Variants in RASGEF1C observed in about 807,000 individuals in gnomAD.
RASGEF1C encodes RasGEF domain family member 1C.
Under a neutral mutation model 58.1 loss-of-function variants are expected in RASGEF1C, and 27 were observed. The ratio of observed to expected loss-of-function variants is 0.46; its 90% CI spans 0.34 to 0.64. RASGEF1C has a LOEUF of 0.64. RASGEF1C is among the 30% of genes least tolerant of loss of function. The probability of loss-of-function intolerance (pLI) is 0.01; values close to 1 mark genes in which losing one functional copy is unlikely to be tolerated. For missense variants in RASGEF1C, 502 were observed against 605.1 expected, an observed-to-expected ratio of 0.83 and a Z score of 1.79; for synonymous variants, 243 against 246.3, an observed-to-expected ratio of 0.99 and a Z score of 0.13.
At chr5:180,151,459 A>C (rs1766743945) in intron 1 of RASGEF1C, among the ~76,000 whole-genome samples, 1 of 152,356 alleles carries the variant, frequency 6.6e-6, no homozygotes, top group East Asian at 1.9e-4. Context: ...CAAAAACAAG[A>C]AATGGGGAAA....
At chr5:180,189,433 G>C (rs1384129443) in intron 1 of RASGEF1C, among the ~76,000 whole-genome samples, 1 of 152,194 alleles carries the variant, frequency 6.6e-6, no homozygotes, top group East Asian at 1.9e-4. Context: ...TTTTGAAAAA[G>C]TAGAACAAAG....
intron 1 of RASGEF1C, among the ~76,000 whole-genome samples, chr5:180,141,041 A>C (rs937776886): frequency 2.6e-5 from 4 of 152,206 alleles, no homozygotes; most frequent in Non-Finnish European, 5.9e-5. Context: ...CTCCACCTGT[A>C]AGTGACGCTT....
intron 12 of RASGEF1C, among the ~76,000 whole-genome samples, chr5:180,105,526 C>T (rs1326627693): frequency 2.7e-5 from 4 of 150,444 alleles, no homozygotes; most frequent in African/African-American, 9.8e-5. Flanking sequence ...TGCGCCACTG[C>T]ACTCCATCCT....
At chr5:180,201,911 C>A (rs1226174786) in intron 1 of RASGEF1C, among the ~76,000 whole-genome samples, 1 of 152,218 alleles carries the variant, frequency 6.6e-6, no homozygotes, top group Non-Finnish European at 1.5e-5. Context: ...TACCTCCAGC[C>A]TCCAGAACTG....
intron 1 of RASGEF1C, among the ~76,000 whole-genome samples, chr5:180,191,483 A>C (rs1017205891): frequency 1.3e-5 from 2 of 152,118 alleles, no homozygotes; most frequent in Admixed American, 6.5e-5. Context: ...CAGCCTCCCA[A>C]GTAGCTGGGA....
chr5:180,127,403 C>G (rs1766280406), intron 6 of RASGEF1C, among the ~76,000 whole-genome samples: 1 of 152,256 alleles, frequency 6.6e-6, no homozygotes, highest in Non-Finnish European at 1.5e-5. Flanking sequence ...TCCCGCACGT[C>G]CAGGCTTTCC....
chr5:180,139,583 G>C (rs1766542796), intron 1 of RASGEF1C, among the ~76,000 whole-genome samples: 1 of 152,212 alleles, frequency 6.6e-6, no homozygotes, highest in Non-Finnish European at 1.5e-5. Context: ...CAGCAGCCCA[G>C]ACAGTCCTGG....
intron 1 of RASGEF1C, among the ~76,000 whole-genome samples, chr5:180,193,517 G>A (rs983796103): frequency 3.3e-5 from 5 of 152,114 alleles, no homozygotes; most frequent in Non-Finnish European, 7.3e-5. Context: ...GACACCCTAA[G>A]GATTGAAGAG....
At chr5:180,196,908 G>A (rs1183426710) in intron 1 of RASGEF1C, among the ~76,000 whole-genome samples, 1 of 152,228 alleles carries the variant, frequency 6.6e-6, no homozygotes, top group Non-Finnish European at 1.5e-5. Flanking sequence ...GTATTTCAAA[G>A]CAACACCTAG....
intron 11 of RASGEF1C, 36 bp downstream of exon 11, chr5:180,114,409 CT>C (rs1049306296): frequency 6.3e-7 from 1 of 1,598,004 alleles, no homozygotes; most frequent in African/African-American, 1.3e-5. Flanking sequence ...TTTTCCCGGC[CT>C]GTCTACCTCA....
At chr5:180,184,181 AT>A (rs1273372503) in intron 1 of RASGEF1C, among the ~76,000 whole-genome samples, 2 of 144,274 alleles carry the variant, frequency 1.4e-5, no homozygotes, top group Non-Finnish European at 3.2e-5. Flanking sequence ...ATAAATAAAA[AT>A]AAATAAATAA....
chr5:180,181,571 G>T (rs1328057113), intron 1 of RASGEF1C, among the ~76,000 whole-genome samples: 1 of 152,204 alleles, frequency 6.6e-6, no homozygotes, highest in Non-Finnish European at 1.5e-5. Flanking sequence ...GACACTGAGG[G>T]CAGAGACTGG....
At chr5:180,154,654 C>G (rs963720123) in intron 1 of RASGEF1C, among the ~76,000 whole-genome samples, 2 of 151,556 alleles carry the variant, frequency 1.3e-5, no homozygotes, top group African/African-American at 4.9e-5. Flanking sequence ...AAACTCAGCT[C>G]ACTGCAAGCT....
intron 4 of RASGEF1C, among the ~76,000 whole-genome samples, chr5:180,131,756 G>T (rs1766373788): frequency 6.6e-6 from 1 of 152,218 alleles, no homozygotes; most frequent in Non-Finnish European, 1.5e-5. Context: ...CAAGGCTGCA[G>T]GGTGTCTGTG....
At position 180,155,630 on chromosome 5, in the gene RASGEF1C, C is replaced by T. The variant is rs1042313690; in HGVS notation, c.-6-17572G>A. Among the ~76,000 whole-genome samples the T allele has an allele frequency of 1.3e-5, 2 of 152,102 alleles. No individual in the cohort carries two copies. The highest frequency in any genetic ancestry group is 4.8e-5 in the African/African-American group (2 of 41,410). On this transcript the variant is annotated intron_variant, in intron 1 of 13. Transcript: ENST00000361132. This position sits in a 1 kb window ranked among gnomAD's most constrained non-coding sequence, Gnocchi z 5.2. The stretch of plus-strand genomic sequence containing the variant: ...TGCGAGGCGACAGCACCAAGACCCA[C>T]GGCAGATTGGCCACTAAATATAGAG...
intron 6 of RASGEF1C, among the ~76,000 whole-genome samples, chr5:180,122,609 T>C (rs1389286988): frequency 2.0e-5 from 3 of 151,234 alleles, no homozygotes; most frequent in African/African-American, 7.3e-5. Context: ...GATGTGGTGG[T>C]GGGTGCCTGT....
chr5:180,114,494 C>G lies in RASGEF1C; in HGVS notation c.1131G>C (p.Leu377=). The G allele has an allele frequency of 6.2e-7, 1 of 1,612,998 alleles. No individual in the cohort carries two copies. Among genetic ancestry groups the G allele is most frequent in the Non-Finnish European group, 8.5e-7 (1 of 1,179,268 alleles). Residue 377 remains leucine, a synonymous_variant, in exon 11 of 14, where the codon CTG becomes CTC. Transcript: ENST00000361132. ...GAAGGCGGTTGGCGCAGCCCTCATTCAGGAAGTAGATGTCTTTGATGAGCA... is the reference window on the plus strand; with the variant it reads ...GAAGGCGGTTGGCGCAGCCCTCATTGAGGAAGTAGATGTCTTTGATGAGCA... ...FSLLIKDIYF[L]NEGCANRLPN...
In RASGEF1C at chr5:180,198,295, A is replaced by G. The variant is rs572033281; in HGVS notation, c.-7+10733T>C. Among the ~76,000 whole-genome samples, 1 of 152,290 alleles carries G rather than the reference A, an allele frequency of 6.6e-6. No homozygotes were observed. Among genetic ancestry groups the G allele is most frequent in the Non-Finnish European group, 1.5e-5 (1 of 68,020 alleles). On this transcript the variant is annotated intron_variant, in intron 1 of 13. Coordinates refer to ENST00000361132, the MANE Select transcript of RASGEF1C (RefSeq NM_175062.4). This position sits in a 1 kb window ranked among gnomAD's most constrained non-coding sequence, Gnocchi z 4.5. ...CAAAGACACATGTCGGGTGCCCAAG[A>G]AGGGAAGAAAGTGAAGGCATACTGG...
At chr5:180,204,746 G>A (rs1756461043) in intron 1 of RASGEF1C, among the ~76,000 whole-genome samples, 1 of 152,112 alleles carries the variant, frequency 6.6e-6, no homozygotes, top group Non-Finnish European at 1.5e-5. Flanking sequence ...TCAGGAACAA[G>A]GTAAGGAGGC....
Sources: gnomAD v4.1 joint callset for allele counts (sites outside exome capture counted in the v4.1 genomes callset) on GRCh38, gnomAD v4.1.1 for gene constraint, Gnocchi (gnomAD v3.1) non-coding constraint, MANE v1.5 for transcripts, NCBI Gene and HGNC (gene_info 2026-07-23, HGNC 2026-07-21) for gene names.